TMEM74: variants seen among roughly 807,000 people sequenced by gnomAD.
TMEM74 encodes the protein transmembrane protein 74.
TMEM74 carries 13 observed loss-of-function variants against 18.1 expected under a neutral mutation model. That is an observed-to-expected ratio of 0.72 (90% CI 0.47 to 1.14). The LOEUF (loss-of-function observed/expected upper bound fraction) is 1.14, where lower values mean the gene tolerates loss of function less well. TMEM74 is among the 50% of genes most tolerant of loss of function. TMEM74 has a pLI of 0.00. For synonymous variants in TMEM74, 159 were observed against 146.6 expected (o/e 1.08, Z -0.61); for missense variants, 372 against 375.9 (o/e 0.99, Z 0.09).
At chr8:108,756,602 GGAAGGA>G (rs1563543620) in intron 1 of TMEM74, among the ~76,000 whole-genome samples, 11 of 45,838 alleles carry the variant, frequency 2.4e-4, no homozygotes, top group African/African-American at 1.3e-3. Flanking sequence ...GAAAGAGAAA[GGAAGGA>G]AGGAAGGAAG....
intron 1 of TMEM74, among the ~76,000 whole-genome samples, chr8:108,682,045 T>C (rs146115226): frequency 3.3e-5 from 5 of 152,282 alleles, no homozygotes; most frequent in Non-Finnish European, 7.4e-5. Flanking sequence ...TTTTTGTTTA[T>C]TCAATTGTGT....
rs574724203 is a variant in TMEM74 at position 108,658,948 on chromosome 8, G to A, written n.120-3511C>T. ...TCAATGAAAGAAAATAGAGAAATCCGATGATAGCTAGAAGATGGCATCAAG... is the reference window on the plus strand; with the variant it reads ...TCAATGAAAGAAAATAGAGAAATCCAATGATAGCTAGAAGATGGCATCAAG... On this transcript the variant is annotated intron_variant and non_coding_transcript_variant, in intron 1 of 3. Coordinates refer to the TMEM74 transcript ENST00000518838. Among the ~76,000 whole-genome samples the A allele has an allele frequency of 2.0e-4, 30 of 152,170 alleles. No individual in the cohort carries two copies. The East Asian group carries it at 2.7e-3, about 14-fold the overall frequency.
At chr8:108,767,653 A>G (rs1814124254) in intron 1 of TMEM74, among the ~76,000 whole-genome samples, 1 of 152,160 alleles carries the variant, frequency 6.6e-6, no homozygotes, top group Non-Finnish European at 1.5e-5. Flanking sequence ...ACTTTGATCA[A>G]ATATTCTTCA....
At chr8:108,693,273 G>T (rs140261898) in intron 1 of TMEM74, among the ~76,000 whole-genome samples, 7 of 152,136 alleles carry the variant, frequency 4.6e-5, no homozygotes, top group African/African-American at 1.7e-4. Flanking sequence ...TAAGAAAGAA[G>T]TAAAATAACA....
At chr8:108,738,285 C>T (rs192077172) in intron 1 of TMEM74, among the ~76,000 whole-genome samples, 14 of 152,060 alleles carry the variant, frequency 9.2e-5, no homozygotes, top group Non-Finnish European at 2.1e-4. Context: ...ATGATTGGGG[C>T]CTTTTAGTGC....
At chr8:108,670,125 A>G (rs946641659) in intron 1 of TMEM74, among the ~76,000 whole-genome samples, 1 of 151,586 alleles carries the variant, frequency 6.6e-6, no homozygotes, top group African/African-American at 2.4e-5. Context: ...AACTATTCAT[A>G]GTATAGTAGA....
intron 1 of TMEM74, among the ~76,000 whole-genome samples, chr8:108,756,657 A>G (rs1316103592): frequency 1.3e-5 from 1 of 75,942 alleles, no homozygotes; most frequent in African/African-American, 6.8e-5. Context: ...AAAGAGAAAG[A>G]AAGAAAGAAA....
intron 1 of TMEM74, among the ~76,000 whole-genome samples, chr8:108,712,800 C>A (rs942078236): frequency 6.6e-6 from 1 of 151,956 alleles, no homozygotes; most frequent in Non-Finnish European, 1.5e-5. Context: ...GAATCTATTG[C>A]CAAAATCCCA....
rs144159166 is a variant in TMEM74 at position 108,711,550 on chromosome 8, C to T, written n.120-56113G>A. The stretch of plus-strand genomic sequence containing the variant: ...AAGGAGATATGAGAAGGCAGAAGAG[C>T]CATAATATTGTGACTTAAATGTGAC... On this transcript the variant is annotated intron_variant and non_coding_transcript_variant, in intron 1 of 3. Coordinates refer to the TMEM74 transcript ENST00000518838. Among the ~76,000 whole-genome samples the T allele has an allele frequency of 2.0e-5, 3 of 152,254 alleles. No homozygotes were observed. In the East Asian group the frequency reaches 5.8e-4, roughly 29 times the overall value.
At chr8:108,765,846 A>G (rs907663053) in intron 1 of TMEM74, among the ~76,000 whole-genome samples, 2 of 152,218 alleles carry the variant, frequency 1.3e-5, no homozygotes, top group Non-Finnish European at 2.9e-5. Context: ...GGAATGATGT[A>G]TCCTTATCTA....
intron 1 of TMEM74, among the ~76,000 whole-genome samples, chr8:108,656,642 A>G (rs1812824107): frequency 6.6e-6 from 1 of 152,186 alleles, no homozygotes; most frequent in Non-Finnish European, 1.5e-5. Context: ...TGTCCCGAAG[A>G]GACCAAAGTA....
chr8:108,709,215 C>T (rs1389607768), intron 1 of TMEM74, among the ~76,000 whole-genome samples: 1 of 152,176 alleles, frequency 6.6e-6, no homozygotes, highest in African/African-American at 2.4e-5. Context: ...ATCTCCAAGA[C>T]ATATCTGCAC....
chr8:108,755,939 G>A (rs182236046), intron 1 of TMEM74, among the ~76,000 whole-genome samples: 139 of 150,590 alleles, frequency 9.2e-4, no homozygotes, highest in Non-Finnish European at 1.5e-3. Flanking sequence ...ATATAGGAAT[G>A]GGGGGAATGG....
At chr8:108,663,087 C>A (rs1346823133) in intron 1 of TMEM74, among the ~76,000 whole-genome samples, 1 of 152,010 alleles carries the variant, frequency 6.6e-6, no homozygotes, top group East Asian at 1.9e-4. Flanking sequence ...CAAAAATTGA[C>A]AAATGGGATC....
chr8:108,619,839 G>A (rs979760871), intron 2 of TMEM74, among the ~76,000 whole-genome samples: 16 of 152,090 alleles, frequency 1.1e-4, no homozygotes, highest in African/African-American at 9.7e-5. Context: ...TGTGTATTTC[G>A]AAGATTCATA....
chr8:108,678,357 A>G (rs1019754223), intron 1 of TMEM74, among the ~76,000 whole-genome samples: 3 of 151,950 alleles, frequency 2.0e-5, no homozygotes, highest in Admixed American at 6.6e-5. Flanking sequence ...CTACGCTGCC[A>G]TTATTATTAT....
At chr8:108,682,633 A>G (rs557652281) in intron 1 of TMEM74, among the ~76,000 whole-genome samples, 7 of 152,204 alleles carry the variant, frequency 4.6e-5, no homozygotes, top group African/African-American at 1.7e-4. Flanking sequence ...TGGTAGAGTT[A>G]GACTAAAAGA....
chr8:108,776,767 G>T (rs1014135356), downstream of TMEM74, among the ~76,000 whole-genome samples: 38 of 151,754 alleles, frequency 2.5e-4, no homozygotes, highest in African/African-American at 8.9e-4. Flanking sequence ...TGATGATGAA[G>T]GAAGGGAGGA....
At chr8:108,727,955 C>T (rs904163621) in intron 1 of TMEM74, among the ~76,000 whole-genome samples, 1 of 152,126 alleles carries the variant, frequency 6.6e-6, no homozygotes, top group African/African-American at 2.4e-5. Flanking sequence ...ATGTCACATG[C>T]TCCTGACAGG....
Sources: gnomAD v4.1 joint callset for allele counts (sites outside exome capture counted in the v4.1 genomes callset) on GRCh38, gnomAD v4.1.1 for gene constraint, MANE v1.5 for transcripts, NCBI Gene and HGNC (gene_info 2026-07-23, HGNC 2026-07-21) for gene names.